DNAH3: variants seen among roughly 807,000 people sequenced by gnomAD.
DNAH3 encodes the protein dynein axonemal heavy chain 3.
In DNAH3, 332 loss-of-function variants were observed where a neutral mutation model predicts 432.5. That is an observed-to-expected ratio of 0.77 (90% CI 0.70 to 0.84). DNAH3 has a LOEUF of 0.84. Among genes scored for constraint, DNAH3 ranks in the 40% least tolerant of loss-of-function variants. DNAH3 has a pLI of 0.00. For missense variants in DNAH3, 4,861 were observed against 5,114.0 expected (o/e 0.95, Z 1.51); for synonymous variants, 1,956 against 1,900.2 (o/e 1.03, Z -0.76).
At chr16:21,153,927 C>G (rs945203642) in intron 1 of DNAH3, among the ~76,000 whole-genome samples, 5 of 152,170 alleles carry the variant, frequency 3.3e-5, no homozygotes, top group African/African-American at 1.2e-4. Flanking sequence ...TTTTCCATCT[C>G]TTATATTATG....
intron 43 of DNAH3, among the ~76,000 whole-genome samples, chr16:20,999,409 C>A (rs1038340843): frequency 6.6e-6 from 1 of 152,134 alleles, no homozygotes; most frequent in African/African-American, 2.4e-5. Context: ...ACCCCTGCCT[C>A]TGAGGGGCTG....
At chr16:21,144,255 T>C (rs1437988920) in intron 3 of DNAH3, among the ~76,000 whole-genome samples, 1 of 152,166 alleles carries the variant, frequency 6.6e-6, no homozygotes, top group African/African-American at 2.4e-5. Context: ...AAATAGAATG[T>C]GGCAAAAGTG....
intron 41 of DNAH3, among the ~76,000 whole-genome samples, chr16:21,013,139 G>A (rs1286991607): frequency 2.0e-5 from 3 of 152,048 alleles, no homozygotes; most frequent in South Asian, 2.1e-4. Context: ...ATAAAAGGAA[G>A]CAGAACAGAA....
At position 21,024,705 on chromosome 16, in the gene DNAH3, G is replaced by A; in HGVS notation, c.5541-4C>T. On this transcript the variant is annotated splice_region_variant and splice_polypyrimidine_tract_variant and intron_variant, in intron 38 of 61. Transcript: ENST00000261383. Reference sequence around the variant, plus strand: ...CTCCATGTAGATCATCCCACACCTGGGAAGCACAGAGGACCAGTTTAGGTG... The same window carrying A: ...CTCCATGTAGATCATCCCACACCTGAGAAGCACAGAGGACCAGTTTAGGTG... The A allele has an allele frequency of 6.2e-7, 1 of 1,612,860 alleles. No homozygotes were observed. Among genetic ancestry groups the A allele is most frequent in the South Asian group, 1.1e-5 (1 of 91,002 alleles).
chr16:21,157,223 T>C (rs910092623), intron 1 of DNAH3, among the ~76,000 whole-genome samples: 2 of 152,132 alleles, frequency 1.3e-5, no homozygotes, highest in Admixed American at 1.3e-4. Context: ...TCATAAATCA[T>C]CATCCCAAGC....
intron 52 of DNAH3, among the ~76,000 whole-genome samples, chr16:20,968,935 ATC>A (rs748492550): frequency 4.7e-5 from 7 of 150,498 alleles, no homozygotes; most frequent in East Asian, 2.0e-4. Flanking sequence ...GTGTCTCTGC[ATC>A]TCTCTGTCTC....
At position 21,037,997 on chromosome 16, in the gene DNAH3, A is replaced by G. The variant is rs1318113512; in HGVS notation, c.4731-17T>C. 2.5e-6 allele frequency: 4 copies of G among 1,610,434 alleles called. No individual in the cohort carries two copies. The highest frequency in any genetic ancestry group is 3.4e-6 in the Non-Finnish European group (4 of 1,177,482). ...TGGGCGAGACTAGAAGGGCAAAGAC[A>G]TGTATGCGGACACCCAGAGAGGACT... is the stretch of plus-strand genomic sequence containing the variant. On this transcript the variant is annotated splice_polypyrimidine_tract_variant and intron_variant, in intron 33 of 61. Transcript: ENST00000261383.
At chr16:21,002,530 C>T (rs1027254222) in intron 42 of DNAH3, among the ~76,000 whole-genome samples, 6 of 152,080 alleles carry the variant, frequency 3.9e-5, no homozygotes, top group African/African-American at 1.2e-4. Context: ...GGCGCGATCT[C>T]GGCTCACTGA....
exon 3 of DNAH3, chr16:21,145,356 C>A: frequency 6.2e-7 from 1 of 1,614,112 alleles, no homozygotes; most frequent in Non-Finnish European, 8.5e-7. Context: ...CAGCCAAGGT[C>A]CATGACGTGC....
intron 7 of DNAH3, among the ~76,000 whole-genome samples, chr16:21,133,010 C>T (rs969675689): frequency 1.6e-4 from 24 of 150,870 alleles, no homozygotes; most frequent in Non-Finnish European, 2.2e-4. Context: ...ATAAATATAC[C>T]TGAGAGATCA....
intron 1 of DNAH3, among the ~76,000 whole-genome samples, chr16:21,153,976 T>C (rs1332109230): frequency 6.6e-6 from 1 of 152,218 alleles, no homozygotes; most frequent in Non-Finnish European, 1.5e-5. Flanking sequence ...TCAAATAGCA[T>C]TTGGAATAAT....
At chr16:21,125,051 G>A in intron 9 of DNAH3, 124 bp downstream of exon 10, 1 of 702,218 alleles carries the variant, frequency 1.4e-6, no homozygotes, top group Admixed American at 2.9e-5. Context: ...TGATGTGGGT[G>A]GAAGTCAAGC....
intron 18 of DNAH3, among the ~76,000 whole-genome samples, chr16:21,088,840 T>C (rs1420496955): frequency 6.6e-6 from 1 of 152,204 alleles, no homozygotes; most frequent in African/African-American, 2.4e-5. Context: ...AAGTCATTCT[T>C]CAAGGTTAAT....
chr16:21,010,658 TAA>T (rs764349662), intron 41 of DNAH3, among the ~76,000 whole-genome samples: 1 of 152,096 alleles, frequency 6.6e-6, no homozygotes, highest in Non-Finnish European at 1.5e-5. Context: ...CAATGTCCCA[TAA>T]AGTCAGGGAA....
chr16:20,941,653 C>G, intron 58 of DNAH3, 110 bp from the exon 59 acceptor site: 1 of 1,371,832 alleles, frequency 7.3e-7, no homozygotes, highest in Non-Finnish European at 9.9e-7. Context: ...TTCTGTGGGA[C>G]TTTCCTGAGA....
chr16:21,137,423 C>CT (rs560633047), intron 5 of DNAH3, among the ~76,000 whole-genome samples: 32,893 of 137,188 alleles, frequency 0.24, 3,966 homozygotes, highest in Admixed American at 0.29. Context: ...TATTGTTGTT[C>CT]TTTTTTTTTT....
intron 36 of DNAH3, among the ~76,000 whole-genome samples, chr16:21,032,803 A>G (rs1285258642): frequency 1.3e-5 from 2 of 152,142 alleles, no homozygotes; most frequent in African/African-American, 4.8e-5. Context: ...CATTAAAAAT[A>G]ATTAAATAAA....
intron 44 of DNAH3, among the ~76,000 whole-genome samples, chr16:20,992,837 C>T (rs2086614037): frequency 6.6e-6 from 1 of 152,126 alleles, no homozygotes; most frequent in African/African-American, 2.4e-5. Flanking sequence ...GACTATAAAA[C>T]TTTTGCCTAA....
At chr16:20,948,212 G>A (rs2084140223) in intron 57 of DNAH3, among the ~76,000 whole-genome samples, 1 of 152,058 alleles carries the variant, frequency 6.6e-6, no homozygotes, top group Non-Finnish European at 1.5e-5. Context: ...TCACTTCCAA[G>A]GCTCCATCTT....
Sources: allele counts gnomAD v4.1 joint callset (sites outside exome capture counted in the v4.1 genomes callset), GRCh38; gene constraint gnomAD v4.1.1; transcripts MANE v1.5; gene names NCBI Gene and HGNC (gene_info 2026-07-23, HGNC 2026-07-21).